LRRC4C: variants seen among roughly 807,000 people sequenced by gnomAD.
The protein encoded by LRRC4C is leucine-rich repeat-containing protein 4C.
Under a neutral mutation model 33.6 loss-of-function variants are expected in LRRC4C, and 5 were observed. The ratio of observed to expected loss-of-function variants is 0.15; its 90% CI spans 0.08 to 0.31. The LOEUF (loss-of-function observed/expected upper bound fraction) is 0.31. LRRC4C is among the 10% of genes least tolerant of loss of function. The pLI is 1.00. For missense variants in LRRC4C, 560 were observed against 796.7 expected (o/e 0.70, Z 3.58); for synonymous variants, 329 against 302.0 (o/e 1.09, Z -0.93).
intron 3 of LRRC4C, among the ~76,000 whole-genome samples, chr11:40,324,101 T>C (rs563147100): frequency 6.6e-6 from 1 of 152,310 alleles, no homozygotes; most frequent in Non-Finnish European, 1.5e-5. Flanking sequence ...AGTGTGTAGG[T>C]ACACATACTC....
chr11:40,631,006 T>TA (rs1963438573), intron 3 of LRRC4C, among the ~76,000 whole-genome samples: 1 of 152,138 alleles, frequency 6.6e-6, no homozygotes, highest in South Asian at 2.1e-4. Flanking sequence ...AATAATGACA[T>TA]AAAAAATCAA....
chr11:41,323,265 C>T (rs1006113484), intron 1 of LRRC4C, among the ~76,000 whole-genome samples: 5 of 152,158 alleles, frequency 3.3e-5, no homozygotes, highest in African/African-American at 1.2e-4. Context: ...CACTGTATCC[C>T]TCTTAGTTAC....
At chr11:41,001,658 C>T (rs1027392958) in intron 1 of LRRC4C, among the ~76,000 whole-genome samples, 23 of 151,890 alleles carry the variant, frequency 1.5e-4, no homozygotes, top group African/African-American at 4.6e-4. Context: ...TGAATTTTAA[C>T]GCAACCCTTA....
chr11:41,006,517 A>T (rs1215992812), intron 1 of LRRC4C, among the ~76,000 whole-genome samples: 2 of 152,180 alleles, frequency 1.3e-5, no homozygotes, highest in East Asian at 3.9e-4. Flanking sequence ...GTCATTTGAA[A>T]AGGACACAGA....
At chr11:40,486,244 C>T (rs1446334828) in intron 3 of LRRC4C, among the ~76,000 whole-genome samples, 1 of 150,802 alleles carries the variant, frequency 6.6e-6, no homozygotes, top group Non-Finnish European at 1.5e-5. Flanking sequence ...GAAAACTACA[C>T]ATAAGTTTAT....
chr11:40,743,870 G>A (rs766182904), intron 2 of LRRC4C, among the ~76,000 whole-genome samples: 6 of 151,880 alleles, frequency 4.0e-5, no homozygotes, highest in Non-Finnish European at 8.8e-5. Context: ...CTTGATAGAC[G>A]TGCTCTTGTT....
chr11:40,183,306 T>G (rs2135538293), intron 5 of LRRC4C, among the ~76,000 whole-genome samples: 1 of 152,292 alleles, frequency 6.6e-6, no homozygotes, highest in South Asian at 2.1e-4. Context: ...TTCATTTGAG[T>G]GCTTTTTCCT....
intron 1 of LRRC4C, among the ~76,000 whole-genome samples, chr11:41,055,406 G>A (rs1404935120): frequency 6.6e-6 from 1 of 152,110 alleles, no homozygotes; most frequent in Non-Finnish European, 1.5e-5. Context: ...CCTTAGTGGA[G>A]TCTGCCAATT....
intron 1 of LRRC4C, among the ~76,000 whole-genome samples, chr11:41,304,014 G>C (rs1289985654): frequency 1.7e-5 from 1 of 60,508 alleles, no homozygotes; most frequent in Non-Finnish European, 4.0e-5. Context: ...TCAGCCCCCC[G>C]CCCGGCCAGC....
rs142439395 is a variant in LRRC4C, at chr11:40,479,847, C to A, written c.-269-160126G>T. Among the ~76,000 whole-genome samples the A allele has an allele frequency of 1.9e-4, 29 of 152,218 alleles. No homozygotes were observed. In the East Asian group the frequency reaches 5.6e-3, roughly 29 times the overall value. On this transcript the variant is annotated intron_variant, in intron 3 of 6. Coordinates refer to ENST00000528697, the MANE Select transcript of LRRC4C (RefSeq NM_001258419.2). Reference sequence around the variant, plus strand: ...AACACAGGTTTATGATATTGATAATCTAGGTTCAGACCAGATGTCTTCCTA... The same window carrying A: ...AACACAGGTTTATGATATTGATAATATAGGTTCAGACCAGATGTCTTCCTA...
rs547167050 is a variant in LRRC4C at position 41,214,575 on chromosome 11, CAA to C, written c.-496+244854_-496+244855del. 4.6e-4 allele frequency among the ~76,000 whole-genome samples: 16 copies of C among 34,752 alleles called. No individual in the cohort carries two copies. In the South Asian group the frequency reaches 0.018, roughly 40 times the overall value. 22.8% of individuals were successfully genotyped at this position (34,752 alleles called of 152,430 possible). On this transcript the variant is annotated intron_variant, in intron 1 of 6. Coordinates refer to ENST00000528697, the MANE Select transcript of LRRC4C (RefSeq NM_001258419.2). ...TGAAACCCCGTCTCTACTAAAAATA[CAA>C]AAAAAAAAAAAAAAAAAAAAAAATT...
At chr11:40,707,658 G>A (rs1002551866) in intron 2 of LRRC4C, among the ~76,000 whole-genome samples, 1 of 147,404 alleles carries the variant, frequency 6.8e-6, no homozygotes, top group Non-Finnish European at 1.5e-5. Context: ...CAGGGATATT[G>A]GTCTAAAATT....
chr11:40,242,913 G>A (rs1429433559), intron 4 of LRRC4C, among the ~76,000 whole-genome samples: 1 of 152,038 alleles, frequency 6.6e-6, no homozygotes, highest in Non-Finnish European at 1.5e-5. Flanking sequence ...TAACTAAAAA[G>A]AGAATATGGA....
chr11:40,664,406 G>C (rs574624367), intron 2 of LRRC4C, among the ~76,000 whole-genome samples: 12 of 151,948 alleles, frequency 7.9e-5, no homozygotes, highest in Non-Finnish European at 1.2e-4. Flanking sequence ...TTAGATTGGC[G>C]TGGTGGTGGG....
At chr11:40,208,850 T>A (rs1299460603) in intron 5 of LRRC4C, among the ~76,000 whole-genome samples, 2 of 152,114 alleles carry the variant, frequency 1.3e-5, no homozygotes, top group Non-Finnish European at 2.9e-5. Context: ...AACTTCACAT[T>A]CACCGACTTC....
intron 4 of LRRC4C, among the ~76,000 whole-genome samples, chr11:40,271,643 G>T (rs1942707540): frequency 2.0e-5 from 3 of 152,092 alleles, no homozygotes; most frequent in African/African-American, 7.2e-5. Context: ...CAGTATTTCT[G>T]CTCACTCCTG....
intron 1 of LRRC4C, among the ~76,000 whole-genome samples, chr11:41,438,064 A>AATAAATAAATACATAC (rs71063917): frequency 2.0e-5 from 3 of 148,574 alleles, no homozygotes; most frequent in African/African-American, 7.4e-5. Context: ...TAAATAAATA[A>AATAAATAAATACATAC]ATAAATAATA....
intron 1 of LRRC4C, among the ~76,000 whole-genome samples, chr11:40,974,458 T>C (rs1287284331): frequency 6.6e-6 from 1 of 152,180 alleles, no homozygotes; most frequent in Non-Finnish European, 1.5e-5. Context: ...TGCTACAACG[T>C]CTGTTCAAAG....
At chr11:40,877,040 C>T (rs1954930094) in intron 2 of LRRC4C, among the ~76,000 whole-genome samples, 1 of 151,954 alleles carries the variant, frequency 6.6e-6, no homozygotes, top group African/African-American at 2.4e-5. Context: ...CATCTCCTCA[C>T]AGAGCTGTGC....
Sources: gnomAD v4.1 joint callset for allele counts (sites outside exome capture counted in the v4.1 genomes callset) on GRCh38, gnomAD v4.1.1 for gene constraint, MANE v1.5 for transcripts, NCBI Gene and HGNC (gene_info 2026-07-23, HGNC 2026-07-21) for gene names.